Variants in ALPK1 observed in about 807,000 individuals in gnomAD.
The protein encoded by ALPK1 is alpha-protein kinase 1.
In ALPK1, 110 loss-of-function variants were observed where a neutral mutation model predicts 120.6. That is an observed-to-expected ratio of 0.91 (90% confidence interval 0.78 to 1.07). The LOEUF (loss-of-function observed/expected upper bound fraction) is 1.07, where lower values mean the gene tolerates loss of function less well. ALPK1 is among the 50% of genes least tolerant of loss of function. The probability of loss-of-function intolerance (pLI) is 0.00; values close to 1 mark genes in which losing one functional copy is unlikely to be tolerated. For synonymous variants in ALPK1, 582 were observed against 560.3 expected, an observed-to-expected ratio of 1.04 and a Z score of -0.55; for missense variants, 1,498 against 1,483.9, an observed-to-expected ratio of 1.01 and a Z score of -0.16.
At chr4:112,328,860 A>G (rs528567526) in intron 2 of ALPK1, among the ~76,000 whole-genome samples, 1 of 152,316 alleles carries the variant, frequency 6.6e-6, no homozygotes, top group South Asian at 2.1e-4. Flanking sequence ...ATCCCACCCA[A>G]CATGATAGAT....
Position 112,313,108 on chromosome 4 carries a change from C to T in ALPK1, c.-152-2693C>T, listed in dbSNP as rs915381894. Among the ~76,000 whole-genome samples the T allele has an allele frequency of 3.1e-4, 47 of 152,172 alleles. 1 individual carries two copies. Among genetic ancestry groups the T allele is most frequent in the Admixed American group, 2.9e-3 (45 of 15,288 alleles). ...ATATCAAGTTACGGTTGAAAATATG[C>T]ATCTGAAGTTTAAGGTGAAGTTTGG... On this transcript the variant is annotated intron_variant, in intron 1 of 15. Transcript: ENST00000650871.
At chr4:112,351,007 C>A (rs1261026993) in intron 2 of ALPK1, among the ~76,000 whole-genome samples, 2 of 152,178 alleles carry the variant, frequency 1.3e-5, no homozygotes, top group African/African-American at 4.8e-5. Context: ...AGCCTGGAGC[C>A]AGGACCAGAT....
intron 2 of ALPK1, chr4:112,358,042 G>C (rs1350889198): frequency 1.7e-6 from 1 of 599,590 alleles, no homozygotes; most frequent in Admixed American, 2.2e-5. Context: ...GCAGTAGTGT[G>C]ATCATCACGG....
At chr4:112,401,324 G>A (rs1226958366) in intron 4 of ALPK1, among the ~76,000 whole-genome samples, 1 of 152,208 alleles carries the variant, frequency 6.6e-6, no homozygotes, top group Non-Finnish European at 1.5e-5. Flanking sequence ...AAACAGTAGG[G>A]TCAGTGAATT....
At chr4:112,352,900 C>T (rs555479279) in intron 2 of ALPK1, 1 of 149,850 alleles carries the variant, frequency 6.7e-6, no homozygotes, top group African/African-American at 2.4e-5. Flanking sequence ...TCCTTTCTTT[C>T]TCTTTCTTTC....
intron 4 of ALPK1, among the ~76,000 whole-genome samples, chr4:112,391,092 C>A (rs972318051): frequency 3.3e-5 from 5 of 152,202 alleles, no homozygotes; most frequent in African/African-American, 1.2e-4. Flanking sequence ...TGCCATGTGA[C>A]TTGCATGCCT....
chr4:112,382,961 C>T (rs2148729704), intron 4 of ALPK1: 1 of 201,742 alleles, frequency 5.0e-6, no homozygotes. Context: ...GTCTAAGCTA[C>T]TGAAGTCTGG....
intron 2 of ALPK1, chr4:112,356,956 G>A: frequency 1.3e-6 from 1 of 764,918 alleles, no homozygotes; most frequent in South Asian, 1.3e-5. Flanking sequence ...GTTCGGGACT[G>A]GACGTCATAG....
chr4:112,348,416 AC>A (rs537298177), intron 2 of ALPK1, among the ~76,000 whole-genome samples: 2 of 152,232 alleles, frequency 1.3e-5, no homozygotes, highest in Non-Finnish European at 2.9e-5. Flanking sequence ...AGGTAAGTCA[AC>A]AAAAAATGAA....
Position 112,430,942 on chromosome 4 carries a change from G to A in ALPK1, c.1395G>A (p.Ser465=), listed in dbSNP as rs34479404. The change falls in exon 11 of 16, where the codon TCG becomes TCA. Residue 465 remains serine, a synonymous_variant. Transcript: ENST00000650871. ...ILDTYSQHHT[S]VCEVFESDCG... Reference sequence around the variant, plus strand: ...ACACCTATTCACAGCACCATACTTCGGTGTGTGAAGTATTTGAAAGTGATT... The same window carrying A: ...ACACCTATTCACAGCACCATACTTCAGTGTGTGAAGTATTTGAAAGTGATT... 1,609 of 1,614,018 alleles carry A rather than the reference G, an allele frequency of 1.0e-3. 10 individuals are homozygous for A. In the African/African-American group the frequency reaches 0.018, roughly 18 times the overall value.
intron 2 of ALPK1, chr4:112,342,875 T>C (rs1291610784): frequency 2.0e-5 from 3 of 152,382 alleles, no homozygotes; most frequent in Middle Eastern, 3.4e-3. Flanking sequence ...ACTTGGGTAC[T>C]TTAGATCCAA....
intron 2 of ALPK1, chr4:112,356,038 C>T (rs1730595802): frequency 1.4e-6 from 1 of 731,378 alleles, no homozygotes; most frequent in South Asian, 1.5e-5. Context: ...TTACCAAGAG[C>T]GGCTGAGAGC....
chr4:112,387,041 T>C (rs1325153251), intron 4 of ALPK1, among the ~76,000 whole-genome samples: 1 of 152,180 alleles, frequency 6.6e-6, no homozygotes, highest in Non-Finnish European at 1.5e-5. Context: ...AAACCTTTGA[T>C]GGATTTTTCA....
intron 1 of ALPK1, among the ~76,000 whole-genome samples, chr4:112,303,144 C>A (rs1727864671): frequency 6.6e-6 from 1 of 152,092 alleles, no homozygotes; most frequent in South Asian, 2.1e-4. Flanking sequence ...TCTTTCTCTG[C>A]CCCATTATAC....
intron 2 of ALPK1, among the ~76,000 whole-genome samples, chr4:112,339,532 C>A (rs1729767769): frequency 6.6e-6 from 1 of 152,050 alleles, no homozygotes; most frequent in Non-Finnish European, 1.5e-5. Context: ...TAACACTTTT[C>A]TTTTAAAAAA....
At chr4:112,320,565 AT>A (rs1015602818) in intron 2 of ALPK1, among the ~76,000 whole-genome samples, 1 of 152,074 alleles carries the variant, frequency 6.6e-6, no homozygotes, top group Non-Finnish European at 1.5e-5. Flanking sequence ...TTATAGAATG[AT>A]TTAGGGAGGA....
chr4:112,318,138 A>T (rs368445086), intron 2 of ALPK1, among the ~76,000 whole-genome samples: 24 of 152,310 alleles, frequency 1.6e-4, no homozygotes, highest in South Asian at 1.2e-3. Context: ...TACTTACACT[A>T]CTTTTGACTA....
At chr4:112,407,564 A>G (rs1275826281) in intron 4 of ALPK1, among the ~76,000 whole-genome samples, 1 of 152,210 alleles carries the variant, frequency 6.6e-6, no homozygotes, top group Non-Finnish European at 1.5e-5. Context: ...TGATTTTGTA[A>G]CTTTGGAAAG....
In ALPK1 at chr4:112,442,283, C is replaced by T. The variant is rs187395430; in HGVS notation, c.*1073C>T. 3.1e-4 allele frequency: 47 copies of T among 152,150 alleles called. No individual in the cohort carries two copies. The highest frequency in any genetic ancestry group is 1.0e-3 in the African/African-American group (42 of 41,506). 9.4% of individuals were successfully genotyped at this position (152,150 alleles called of 1,614,324 possible). On this transcript the variant is annotated 3_prime_UTR_variant, in exon 16 of 16. Coordinates refer to ENST00000650871, the MANE Select transcript of ALPK1 (RefSeq NM_025144.4). ...AAAGCCAAACCATATCACAATGTAA[C>T]CATAAAAAAGAATGAGATCATGTCC...
Sources: gnomAD v4.1 joint callset for allele counts (sites outside exome capture counted in the v4.1 genomes callset) on GRCh38, gnomAD v4.1.1 for gene constraint, MANE v1.5 for transcripts, NCBI Gene and HGNC (gene_info 2026-07-23, HGNC 2026-07-21) for gene names.